The following IQUB variants were observed in gnomAD, a reference collection of about 807,000 sequenced individuals.
The protein encoded by IQUB is IQ motif and ubiquitin-like domain-containing protein.
A neutral mutation model predicts 86.4 loss-of-function variants in IQUB; 86 were observed. That is an observed-to-expected ratio of 1.00 (90% CI 0.84 to 1.19). The LOEUF (loss-of-function observed/expected upper bound fraction) is 1.19, where lower values mean the gene tolerates loss of function less well. Ranked by LOEUF, IQUB falls within the 50% of genes most tolerant of loss-of-function variation. The pLI, the probability that IQUB is intolerant of heterozygous loss-of-function variation, is 0.00. For missense variants in IQUB, 946 were observed against 916.9 expected, an observed-to-expected ratio of 1.03 and a Z score of -0.41; for synonymous variants, 289 against 304.5, an observed-to-expected ratio of 0.95 and a Z score of 0.53.
At chr7:123,457,828 A>C (rs1793783074) in intron 11 of IQUB, among the ~76,000 whole-genome samples, 1 of 152,160 alleles carries the variant, frequency 6.6e-6, no homozygotes. Flanking sequence ...TTACCTGAAT[A>C]TAATCTTAAT....
At chr7:123,461,909 C>T (rs906330609) in intron 10 of IQUB, among the ~76,000 whole-genome samples, 3 of 151,596 alleles carry the variant, frequency 2.0e-5, no homozygotes, top group South Asian at 2.1e-4. Flanking sequence ...TAGGAAGAGG[C>T]TTTTTATTGT....
Position 123,457,843 on chromosome 7 carries a change from C to T in IQUB, c.2008-277G>A, listed in dbSNP as rs186351916. On this transcript the variant is annotated intron_variant, in intron 11 of 12. Coordinates refer to ENST00000324698, the MANE Select transcript of IQUB (RefSeq NM_178827.5). ...TTACCTGAATATAATCTTAATAATA[C>T]TATAATGTTACCATAATAAACATAT... 3.4e-4 allele frequency: 100 copies of T among 294,164 alleles called. 1 individual carries two copies. Among genetic ancestry groups the T allele is most frequent in the Middle Eastern group, 1.0e-3 (1 of 966 alleles). The allele number at this position is 294,164 out of a possible 1,614,324, so 18.2% of individuals were successfully genotyped here.
rs771397248 is a variant in IQUB at position 123,496,654 on chromosome 7, A to C, written c.1234+42T>G. 9.2e-6 allele frequency: 11 copies of C among 1,193,254 alleles called. No individual in the cohort carries two copies. In the South Asian group the frequency reaches 1.4e-4, roughly 15 times the overall value. The allele number at this position is 1,193,254 out of a possible 1,614,324, so 73.9% of individuals were successfully genotyped here. A position where few individuals can be genotyped will look rare whatever the true frequency, so the allele number is the denominator to read the frequency against. ...GTAAATCTGTTTTTCCTATTAATGA[A>C]GAATTTAAAAATATTTTTTGCAAAG... On this transcript the variant is annotated intron_variant, in intron 7 of 12. Coordinates refer to ENST00000324698, the MANE Select transcript of IQUB (RefSeq NM_178827.5).
intron 6 of IQUB, among the ~76,000 whole-genome samples, chr7:123,498,027 T>C (rs750505224): frequency 1.3e-5 from 2 of 151,082 alleles, no homozygotes; most frequent in Non-Finnish European, 2.9e-5. Context: ...GAGATATTTG[T>C]CCCTAGGCAA....
chr7:123,526,425 T>C (rs1164424175), intron 1 of IQUB, among the ~76,000 whole-genome samples: 3 of 152,254 alleles, frequency 2.0e-5, no homozygotes, highest in East Asian at 3.8e-4. Flanking sequence ...GCTCTTCTTG[T>C]TGAATTGATC....
chr7:123,489,975 A>C (rs369476476), intron 7 of IQUB, among the ~76,000 whole-genome samples: 1 of 151,964 alleles, frequency 6.6e-6, no homozygotes, highest in East Asian at 1.9e-4. Flanking sequence ...AAAAGAAATA[A>C]ATCTTTAAAA....
intron 11 of IQUB, among the ~76,000 whole-genome samples, chr7:123,459,178 A>C (rs1009200555): frequency 6.6e-6 from 1 of 151,966 alleles, no homozygotes; most frequent in Non-Finnish European, 1.5e-5. Context: ...ACTGAAATTA[A>C]ATCACATCTA....
intron 8 of IQUB, among the ~76,000 whole-genome samples, chr7:123,470,581 T>C (rs1238746618): frequency 2.6e-5 from 4 of 152,192 alleles, no homozygotes; most frequent in Non-Finnish European, 5.9e-5. Flanking sequence ...CTGGGTGCAG[T>C]GGCTCACGCC....
intron 1 of IQUB, among the ~76,000 whole-genome samples, chr7:123,528,021 G>C (rs544439150): frequency 4.3e-4 from 66 of 152,342 alleles, no homozygotes; most frequent in Admixed American, 1.4e-3. Context: ...CTCCTGGTCC[G>C]CCGTTTTTTA....
intron 12 of IQUB, among the ~76,000 whole-genome samples, chr7:123,454,467 C>T (rs1793597281): frequency 6.6e-6 from 1 of 151,952 alleles, no homozygotes; most frequent in Non-Finnish European, 1.5e-5. Context: ...AGTATATATA[C>T]TTACATACAC....
In IQUB at chr7:123,457,480, C is replaced by T. The variant is rs768691029; in HGVS notation, c.2094G>A (p.Met698Ile). ...ACTCCAGGGATTTATTCCATCTGAC[C>T]ATGACCAGATCACTGAGATTGTCGC... ...SACDNLSDLVMVRWNKSLEWS... is the reference protein window; with the variant it reads ...SACDNLSDLVIVRWNKSLEWS... The change falls in exon 12 of 13, where the codon ATG (methionine) becomes ATA (isoleucine). Residue 698 changes from methionine to isoleucine, a missense_variant. Coordinates refer to ENST00000324698, the MANE Select transcript of IQUB (RefSeq NM_178827.5). 9 of 1,611,328 alleles carry T rather than the reference C, an allele frequency of 5.6e-6. No homozygotes were observed. The Admixed American group carries it at 8.4e-5, about 15-fold the overall frequency.
At chr7:123,511,893 T>A in intron 2 of IQUB, 51 bp downstream of exon 2, 1 of 1,373,940 alleles carries the variant, frequency 7.3e-7, no homozygotes, top group South Asian at 1.5e-5. Context: ...AGAAAACGCA[T>A]TCATTCTTCA....
At chr7:123,457,165 T>G (rs2116941173) in intron 12 of IQUB, 1 of 971,276 alleles carries the variant, frequency 1.0e-6, no homozygotes, top group Non-Finnish European at 1.2e-6. Context: ...TGGTATGATG[T>G]TTAGGACTTG....
intron 12 of IQUB, 165 bp downstream of exon 12, chr7:123,457,216 T>C: frequency 1.0e-6 from 1 of 968,434 alleles, no homozygotes; most frequent in African/African-American, 1.8e-5. Flanking sequence ...TTATTTAATC[T>C]GTGCCATATA....
At chr7:123,483,267 T>C (rs1474653920) in intron 7 of IQUB, among the ~76,000 whole-genome samples, 1 of 152,082 alleles carries the variant, frequency 6.6e-6, no homozygotes, top group Admixed American at 6.6e-5. Flanking sequence ...AACCATGTCA[T>C]CCTTTCATTA....
At chr7:123,494,962 A>G (rs1795645275) in intron 7 of IQUB, among the ~76,000 whole-genome samples, 1 of 152,078 alleles carries the variant, frequency 6.6e-6, no homozygotes, top group African/African-American at 2.4e-5. Context: ...TTAGTCACAT[A>G]AGAATTTAGA....
chr7:123,504,294 C>G (rs998571286), intron 3 of IQUB, among the ~76,000 whole-genome samples: 7 of 151,974 alleles, frequency 4.6e-5, no homozygotes, highest in Non-Finnish European at 1.0e-4. Flanking sequence ...ACTAAAAATA[C>G]AAAACTGAGC....
Position 123,461,798 on chromosome 7 carries a change from GTATT to G in IQUB, c.1759-197_1759-194del, listed in dbSNP as rs1794002592. Among the ~76,000 whole-genome samples, 5 of 151,540 alleles carry G rather than the reference GTATT, an allele frequency of 3.3e-5. No homozygotes were observed. The South Asian group carries it at 1.0e-3, about 31-fold the overall frequency. On this transcript the variant is annotated intron_variant, in intron 10 of 12. Transcript: ENST00000324698. ...CTACAGAAAATCTAAATTTCAAGCA[GTATT>G]TATTCATCCTGCCAAAATATTGAAA...
rs1384084416 is a variant in IQUB, at chr7:123,454,723, T to C, written c.2194-1798A>G. Among the ~76,000 whole-genome samples, 3 of 152,136 alleles carry C rather than the reference T, an allele frequency of 2.0e-5. No individual in the cohort carries two copies. In the East Asian group the frequency reaches 5.8e-4, roughly 29 times the overall value. ...TACCCCACACCCACATTTTCCTGAATGTGTCTCAATCTGGGTTTGTCCTGT... is the reference window on the plus strand; with the variant it reads ...TACCCCACACCCACATTTTCCTGAACGTGTCTCAATCTGGGTTTGTCCTGT... On this transcript the variant is annotated intron_variant, in intron 12 of 12. Coordinates refer to ENST00000324698, the MANE Select transcript of IQUB (RefSeq NM_178827.5).
Sources: allele counts gnomAD v4.1 joint callset (sites outside exome capture counted in the v4.1 genomes callset), GRCh38; gene constraint gnomAD v4.1.1; transcripts MANE v1.5; gene names NCBI Gene and HGNC (gene_info 2026-07-23, HGNC 2026-07-21).